CNTLN: variants seen among roughly 807,000 people sequenced by gnomAD.
CNTLN encodes centlein.
CNTLN carries 212 observed loss-of-function variants against 180.0 expected under a neutral mutation model. The observed-to-expected ratio is 1.18, with a 90% confidence interval of 1.05 to 1.32. The LOEUF is 1.32. Among genes scored for constraint, CNTLN ranks in the 40% most tolerant of loss-of-function variants. The pLI is 0.00. For missense variants in CNTLN, 2,095 were observed against 1,610.9 expected, an observed-to-expected ratio of 1.30 and a Z score of -5.14; for synonymous variants, 722 against 563.1, an observed-to-expected ratio of 1.28 and a Z score of -3.99.
intron 5 of CNTLN, among the ~76,000 whole-genome samples, chr9:17,259,514 C>G (rs1395465656): frequency 6.7e-6 from 1 of 149,824 alleles, no homozygotes; most frequent in Non-Finnish European, 1.5e-5. Context: ...AGGATTCCCT[C>G]TTTTTCTATT....
At chr9:17,296,861 A>G (rs1817981421) in intron 6 of CNTLN, among the ~76,000 whole-genome samples, 1 of 152,216 alleles carries the variant, frequency 6.6e-6, no homozygotes, top group Non-Finnish European at 1.5e-5. Context: ...CTAAATCTCT[A>G]AGGAGCGGAA....
intron 2 of CNTLN, among the ~76,000 whole-genome samples, chr9:17,168,869 A>G (rs2210539): frequency 0.34 from 51,605 of 151,946 alleles, 10,992 homozygotes; most frequent in East Asian, 0.61. Flanking sequence ...TTTGTGTTGG[A>G]TCTAGTGAAG....
At chr9:17,273,904 T>A in intron 6 of CNTLN, 38 bp downstream of exon 6, 1 of 1,411,518 alleles carries the variant, frequency 7.1e-7, no homozygotes, top group Non-Finnish European at 9.6e-7. Flanking sequence ...ATCATAGAAA[T>A]GTCATTAGTT....
chr9:17,351,473 G>A (rs1014599888), intron 12 of CNTLN, among the ~76,000 whole-genome samples: 19 of 152,002 alleles, frequency 1.2e-4, no homozygotes, highest in Non-Finnish European at 2.5e-4. Flanking sequence ...ATTTATTCCC[G>A]TCCATTATTC....
At chr9:17,297,167 T>G (rs1043876615) in intron 6 of CNTLN, among the ~76,000 whole-genome samples, 1 of 152,194 alleles carries the variant, frequency 6.6e-6, no homozygotes, top group East Asian at 1.9e-4. Flanking sequence ...CTTGTCATTA[T>G]TCCCTAAACA....
intron 2 of CNTLN, among the ~76,000 whole-genome samples, chr9:17,189,121 C>T (rs1300832451): frequency 1.7e-5 from 2 of 114,660 alleles, no homozygotes; most frequent in Non-Finnish European, 3.2e-5. Flanking sequence ...ATCCCTCTGT[C>T]GCCCAAGCTG....
At chr9:17,401,811 G>A (rs1175432358) in intron 15 of CNTLN, among the ~76,000 whole-genome samples, 3 of 118,666 alleles carry the variant, frequency 2.5e-5, no homozygotes, top group South Asian at 2.3e-4. Context: ...ATATGAAAAA[G>A]CGTTAATAGA....
Position 17,298,713 on chromosome 9 carries a change from C to A in CNTLN, c.1146+361C>A, listed in dbSNP as rs1008575203. ...AAATTATTTTGTCAAGTATGGCAGA[C>A]TTTCATTGTAAAATTTGTACATTAT... On this transcript the variant is annotated intron_variant, in intron 7 of 25. Transcript: ENST00000380647. The A allele has an allele frequency of 1.1e-5, 11 of 994,012 alleles. No homozygotes were observed. In the African/African-American group the frequency reaches 1.4e-4, roughly 13 times the overall value. The allele number at this position is 994,012 out of a possible 1,614,324, so 61.6% of individuals were successfully genotyped here. A position where few individuals can be genotyped will look rare whatever the true frequency, so the allele number is the denominator to read the frequency against.
At chr9:17,445,924 A>G (rs1165193538) in intron 18 of CNTLN, among the ~76,000 whole-genome samples, 3 of 152,222 alleles carry the variant, frequency 2.0e-5, no homozygotes, top group African/African-American at 7.2e-5. Context: ...ATCTACTGAG[A>G]TAGGGAAAAA....
intron 1 of CNTLN, among the ~76,000 whole-genome samples, chr9:17,138,530 T>C (rs1270815124): frequency 3.3e-5 from 5 of 152,210 alleles, no homozygotes; most frequent in Non-Finnish European, 7.3e-5. Flanking sequence ...AAACTTCATT[T>C]ATTCACAAAG....
intron 12 of CNTLN, among the ~76,000 whole-genome samples, chr9:17,349,919 A>G (rs1441845862): frequency 6.6e-6 from 1 of 152,208 alleles, no homozygotes; most frequent in Non-Finnish European, 1.5e-5. Context: ...TAATTTAAAT[A>G]GGGGTATCTG....
intron 12 of CNTLN, among the ~76,000 whole-genome samples, chr9:17,346,644 A>C (rs187158368): frequency 1.3e-5 from 2 of 152,074 alleles, no homozygotes; most frequent in East Asian, 3.9e-4. Context: ...ACTTGCTTTC[A>C]ATCATTTTTC....
intron 2 of CNTLN, among the ~76,000 whole-genome samples, chr9:17,178,735 C>T (rs115432482): frequency 0.019 from 2,911 of 152,100 alleles, 74 homozygotes; most frequent in African/African-American, 0.05. Flanking sequence ...ACAAGGGTTG[C>T]GGGCAGCCCC....
At chr9:17,451,070 A>AAAGCAAT (rs1830751038) in intron 18 of CNTLN, among the ~76,000 whole-genome samples, 1 of 152,158 alleles carries the variant, frequency 6.6e-6, no homozygotes, top group Non-Finnish European at 1.5e-5. Context: ...ATTTAGTCCT[A>AAAGCAAT]TACCTGGACA....
At chr9:17,316,811 C>G (rs1243829024) in intron 8 of CNTLN, among the ~76,000 whole-genome samples, 1 of 151,592 alleles carries the variant, frequency 6.6e-6, no homozygotes, top group African/African-American at 2.4e-5. Flanking sequence ...CAGTTATTTC[C>G]TTAGTGCTTA....
chr9:17,155,432 G>A (rs1473590071), intron 2 of CNTLN, among the ~76,000 whole-genome samples: 1 of 152,166 alleles, frequency 6.6e-6, no homozygotes, highest in African/African-American at 2.4e-5. Flanking sequence ...CCCCTGACTG[G>A]GGCTGCTGCC....
chr9:17,479,756 AAGAT>A (rs1224661477), intron 23 of CNTLN, among the ~76,000 whole-genome samples: 1 of 152,210 alleles, frequency 6.6e-6, no homozygotes, highest in Admixed American at 6.5e-5. Context: ...AGAGAAAAAG[AAGAT>A]AGAATAACAT....
intron 13 of CNTLN, among the ~76,000 whole-genome samples, chr9:17,372,495 G>C (rs537284852): frequency 1.4e-4 from 22 of 152,178 alleles, no homozygotes; most frequent in African/African-American, 5.1e-4. Context: ...GAGGCTCCCA[G>C]CAAAGAAACA....
At chr9:17,135,962 A>T (rs1013639817) in intron 1 of CNTLN, among the ~76,000 whole-genome samples, 2 of 152,166 alleles carry the variant, frequency 1.3e-5, no homozygotes, top group Non-Finnish European at 2.9e-5. Flanking sequence ...ACTTAACAAT[A>T]GATGATGCTT....
Sources: allele counts gnomAD v4.1 joint callset (sites outside exome capture counted in the v4.1 genomes callset), GRCh38; gene constraint gnomAD v4.1.1; transcripts MANE v1.5; gene names NCBI Gene and HGNC (gene_info 2026-07-23, HGNC 2026-07-21).